The following IQCJ variants were observed in gnomAD, a reference collection of about 807,000 sequenced individuals.
IQCJ encodes the protein IQ motif containing J.
Under a neutral mutation model 11.0 loss-of-function variants are expected in IQCJ, and 9 were observed. That is an observed-to-expected ratio of 0.82 (90% CI 0.49 to 1.43). The LOEUF (loss-of-function observed/expected upper bound fraction) is 1.43. Among genes scored for constraint, IQCJ ranks in the 40% most tolerant of loss-of-function variants. The probability of loss-of-function intolerance (pLI) is 0.00; values close to 1 mark genes in which losing one functional copy is unlikely to be tolerated. For missense variants in IQCJ, 146 were observed against 133.2 expected, an observed-to-expected ratio of 1.10 and a Z score of -0.47; for synonymous variants, 55 against 51.3, an observed-to-expected ratio of 1.07 and a Z score of -0.31.
intron 2 of IQCJ, among the ~76,000 whole-genome samples, chr3:159,252,019 G>A (rs563224906): frequency 2.6e-5 from 4 of 151,766 alleles, no homozygotes; most frequent in African/African-American, 4.8e-5. Flanking sequence ...CATCCACTTC[G>A]ACCAAATTTC....
At chr3:159,121,219 G>A (rs56017425) in intron 1 of IQCJ, among the ~76,000 whole-genome samples, 1,617 of 149,886 alleles carry the variant, frequency 0.011, 27 homozygotes, top group African/African-American at 0.038. Context: ...CTGCAGCCTC[G>A]ATCTCCTGGG....
chr3:159,205,269 A>G (rs915752374), intron 1 of IQCJ, among the ~76,000 whole-genome samples: 3 of 152,224 alleles, frequency 2.0e-5, no homozygotes, highest in Non-Finnish European at 2.9e-5. Context: ...AGATTAAAAT[A>G]AGCCAAGAGA....
intron 1 of IQCJ, among the ~76,000 whole-genome samples, chr3:159,173,147 T>C (rs1202791676): frequency 6.6e-6 from 1 of 152,220 alleles, no homozygotes; most frequent in East Asian, 1.9e-4. Context: ...CCATGCCATC[T>C]TTAGGAGTAG....
chr3:159,150,726 A>T (rs1721166308), intron 1 of IQCJ, among the ~76,000 whole-genome samples: 1 of 152,104 alleles, frequency 6.6e-6, no homozygotes, highest in Non-Finnish European at 1.5e-5. Flanking sequence ...TTCAGTGAAC[A>T]TTTGTTGAAG....
intron 1 of IQCJ, among the ~76,000 whole-genome samples, chr3:159,076,700 G>T (rs1715943349): frequency 6.6e-6 from 1 of 152,062 alleles, no homozygotes; most frequent in African/African-American, 2.4e-5. Context: ...GCATGTGTCA[G>T]TCCTGGCATA....
chr3:159,246,492 TGTATACTCAGCTA>T (rs2108198028), intron 2 of IQCJ, among the ~76,000 whole-genome samples: 1 of 152,226 alleles, frequency 6.6e-6, no homozygotes, highest in East Asian at 1.9e-4. Flanking sequence ...AGCAACTCCA[TGTATACTCAGCTA>T]GTGAGTGGTG....
intron 1 of IQCJ, among the ~76,000 whole-genome samples, chr3:159,187,552 C>T (rs113422160): frequency 2.0e-5 from 3 of 152,370 alleles, no homozygotes; most frequent in Non-Finnish European, 2.9e-5. Flanking sequence ...ATGCTCCGCG[C>T]GGTCAGGCGG....
intron 1 of IQCJ, among the ~76,000 whole-genome samples, chr3:159,237,054 A>C (rs1726636437): frequency 6.6e-6 from 1 of 152,174 alleles, no homozygotes; most frequent in Non-Finnish European, 1.5e-5. Context: ...ACAGTGAAGT[A>C]AATTGCAGAT....
At chr3:159,119,030 G>A (rs1719195575) in intron 1 of IQCJ, among the ~76,000 whole-genome samples, 1 of 152,152 alleles carries the variant, frequency 6.6e-6, no homozygotes, top group Admixed American at 6.5e-5. Flanking sequence ...ATTTACTCAT[G>A]CTTTCCATAA....
intron 1 of IQCJ, among the ~76,000 whole-genome samples, chr3:159,234,154 G>A (rs1012625894): frequency 6.6e-6 from 1 of 152,148 alleles, no homozygotes; most frequent in Non-Finnish European, 1.5e-5. Flanking sequence ...CCTTGGACAA[G>A]TTACTTATTC....
chr3:159,092,481 C>T (rs1046621234), intron 1 of IQCJ, among the ~76,000 whole-genome samples: 14 of 151,900 alleles, frequency 9.2e-5, no homozygotes, highest in South Asian at 2.1e-4. Context: ...GGGCGGATCA[C>T]GAGATCAGGA....
rs766893360 is a variant in IQCJ at position 159,262,668 on chromosome 3, C to T, written c.276C>T (p.Ser92=). ...GCTCTGTCAGCATGAACACCTTCTC[C>T]GACAGCAGCACACCCGTGAGTGTCA... is the stretch of plus-strand genomic sequence containing the variant. ...LSSSVSMNTF[S]DSSTPVSVMF... Residue 92 remains serine (S), a synonymous_variant, in exon 4 of 4, where the codon TCC becomes TCT. Transcript: ENST00000397832. 126 of 1,613,834 alleles carry T rather than the reference C, an allele frequency of 7.8e-5. No individual in the cohort carries two copies. The highest frequency in any genetic ancestry group is 3.3e-4 in the Middle Eastern group (2 of 6,084).
At chr3:159,134,510 G>A (rs943192713) in intron 1 of IQCJ, among the ~76,000 whole-genome samples, 1 of 152,096 alleles carries the variant, frequency 6.6e-6, no homozygotes, top group African/African-American at 2.4e-5. Flanking sequence ...GAGGGCCATG[G>A]AACAAACCCA....
chr3:159,168,405 G>A (rs1722296650), intron 1 of IQCJ, among the ~76,000 whole-genome samples: 1 of 152,042 alleles, frequency 6.6e-6, no homozygotes. Flanking sequence ...AATGATCAAT[G>A]GTTTTAAAAG....
Position 159,245,738 on chromosome 3 carries a change from C to T in IQCJ, c.10-105C>T, listed in dbSNP as rs1050776065. On this transcript the variant is annotated intron_variant, in intron 1 of 3. Transcript: ENST00000397832. ...CGGCCTCCCAAAGTGCAGTCCAGAACTCTTAATGTTGTGTTGTATCAATTT... is the reference window on the plus strand; with the variant it reads ...CGGCCTCCCAAAGTGCAGTCCAGAATTCTTAATGTTGTGTTGTATCAATTT... 8.2e-6 allele frequency: 8 copies of T among 970,422 alleles called. No homozygotes were observed. The African/African-American group carries it at 1.3e-4, about 16-fold the overall frequency. 60.1% of individuals were successfully genotyped at this position (970,422 alleles called of 1,614,324 possible).
At chr3:159,257,590 A>G (rs1393418983) in intron 3 of IQCJ, among the ~76,000 whole-genome samples, 2 of 152,138 alleles carry the variant, frequency 1.3e-5, no homozygotes, top group Non-Finnish European at 2.9e-5. Context: ...CAGGCTGGAA[A>G]GAGAGGGCAG....
intron 1 of IQCJ, among the ~76,000 whole-genome samples, chr3:159,119,533 T>C (rs919343925): frequency 6.6e-6 from 1 of 152,204 alleles, no homozygotes; most frequent in African/African-American, 2.4e-5. Flanking sequence ...CATTTGAAGA[T>C]GTTTACTAGT....
At chr3:159,154,087 C>A (rs1207697166) in intron 1 of IQCJ, among the ~76,000 whole-genome samples, 1 of 152,198 alleles carries the variant, frequency 6.6e-6, no homozygotes. Context: ...TCTGGAAAGA[C>A]CTTAAAGTTC....
At chr3:159,094,093 T>A (rs1348139372) in intron 1 of IQCJ, among the ~76,000 whole-genome samples, 1 of 151,950 alleles carries the variant, frequency 6.6e-6, no homozygotes, top group East Asian at 1.9e-4. Flanking sequence ...TTTTCTCCTT[T>A]ACATGTTTTC....
Sources: allele counts gnomAD v4.1 joint callset (sites outside exome capture counted in the v4.1 genomes callset), GRCh38; gene constraint gnomAD v4.1.1; transcripts MANE v1.5; gene names NCBI Gene and HGNC (gene_info 2026-07-23, HGNC 2026-07-21).